Variants in PLCXD2 observed in about 807,000 individuals in gnomAD.
PLCXD2 encodes PI-PLC X domain-containing protein 2.
In PLCXD2, 21 loss-of-function variants were observed where a neutral mutation model predicts 28.6. The ratio of observed to expected loss-of-function variants is 0.73; its 90% CI spans 0.52 to 1.06. The LOEUF is 1.06. Among genes scored for constraint, PLCXD2 ranks in the 50% least tolerant of loss-of-function variants. PLCXD2 has a pLI of 0.00. For missense variants in PLCXD2, 369 were observed against 376.7 expected (o/e 0.98, Z 0.17); for synonymous variants, 140 against 150.1 (o/e 0.93, Z 0.49).
chr3:111,710,322 T>C (rs183964001), intron 2 of PLCXD2, among the ~76,000 whole-genome samples: 1 of 152,356 alleles, frequency 6.6e-6, no homozygotes, highest in East Asian at 1.9e-4. Context: ...AGAGACTTTT[T>C]CCCAGTGGCA....
intron 1 of PLCXD2, among the ~76,000 whole-genome samples, chr3:111,706,677 C>T (rs568249700): frequency 2.1e-4 from 32 of 151,142 alleles, no homozygotes; most frequent in Admixed American, 3.3e-4. Context: ...CTATATACTG[C>T]CCACAGAAAA....
At chr3:111,688,539 G>A (rs1273362805) in intron 1 of PLCXD2, among the ~76,000 whole-genome samples, 2 of 152,200 alleles carry the variant, frequency 1.3e-5, no homozygotes, top group Admixed American at 6.5e-5. Context: ...CTTCCACATG[G>A]CTGACCTAAG....
At chr3:111,678,982 G>T (rs1277439881) in intron 1 of PLCXD2, among the ~76,000 whole-genome samples, 1 of 152,070 alleles carries the variant, frequency 6.6e-6, no homozygotes, top group Non-Finnish European at 1.5e-5. Flanking sequence ...TGATGCAAAT[G>T]AACTTTTACC....
At chr3:111,695,436 A>G (rs1197216124) in intron 1 of PLCXD2, among the ~76,000 whole-genome samples, 1 of 152,218 alleles carries the variant, frequency 6.6e-6, no homozygotes, top group African/African-American at 2.4e-5. Flanking sequence ...ATAACTAGTA[A>G]TACAATAGAA....
intron 3 of PLCXD2, among the ~76,000 whole-genome samples, chr3:111,716,238 G>A (rs1362504986): frequency 6.6e-6 from 1 of 152,252 alleles, no homozygotes; most frequent in South Asian, 2.1e-4. Flanking sequence ...AGTGCAGAGT[G>A]TGGCTGTCAT....
At position 111,675,298 on chromosome 3, in the gene PLCXD2, C is replaced by T. The variant is rs1209553691; in HGVS notation, c.53C>T (p.Ser18Phe). ...AAACTCAGGATGGGGACCATCTGCT[C>T]CCCCAACCCCAGCGGGACAAAGACA... Residue 18 changes from serine (S) to phenylalanine (F), a missense_variant, in exon 1 of 5, where the codon TCC (serine) becomes TTC (phenylalanine). Physicochemically the swap from Ser to Phe is radical, Grantham distance 155. Coordinates refer to ENST00000477665, the MANE Select transcript of PLCXD2 (RefSeq NM_001185106.1). 2 of 1,614,100 alleles carry T rather than the reference C, an allele frequency of 1.2e-6. No homozygotes were observed. The highest frequency in any genetic ancestry group is 1.7e-6 in the Non-Finnish European group (2 of 1,180,000).
chr3:111,678,912 A>G (rs1175251856), intron 1 of PLCXD2, among the ~76,000 whole-genome samples: 1 of 152,180 alleles, frequency 6.6e-6, no homozygotes, highest in Non-Finnish European at 1.5e-5. Context: ...AGGTTTCACA[A>G]TTGCCAGAAT....
intron 1 of PLCXD2, among the ~76,000 whole-genome samples, chr3:111,700,563 A>G (rs1312041377): frequency 6.6e-6 from 1 of 152,196 alleles, no homozygotes; most frequent in Non-Finnish European, 1.5e-5. Context: ...ATTACTTCCT[A>G]AGATCATATT....
intron 1 of PLCXD2, among the ~76,000 whole-genome samples, chr3:111,692,233 C>CG (rs1356184842): frequency 6.6e-6 from 1 of 152,068 alleles, no homozygotes; most frequent in African/African-American, 2.4e-5. Flanking sequence ...TTTGTAGAGA[C>CG]GGGGTTTCAC....
intron 1 of PLCXD2, among the ~76,000 whole-genome samples, chr3:111,683,779 C>T (rs1940752166): frequency 6.6e-6 from 1 of 152,044 alleles, no homozygotes; most frequent in Non-Finnish European, 1.5e-5. Context: ...AAGCATATAG[C>T]AAGGGCATCT....
intron 1 of PLCXD2, among the ~76,000 whole-genome samples, chr3:111,684,614 A>G (rs913848103): frequency 2.6e-5 from 4 of 151,934 alleles, no homozygotes; most frequent in Non-Finnish European, 2.9e-5. Context: ...AGATCATGCC[A>G]TTGCACTCCA....
intron 1 of PLCXD2, among the ~76,000 whole-genome samples, chr3:111,679,699 A>G (rs1158941543): frequency 6.6e-6 from 1 of 152,240 alleles, no homozygotes; most frequent in East Asian, 1.9e-4. Flanking sequence ...ATTGCGCATA[A>G]TATTCCTGAA....
chr3:111,711,327 C>G (rs1359238712), intron 2 of PLCXD2, among the ~76,000 whole-genome samples: 1 of 152,156 alleles, frequency 6.6e-6, no homozygotes, highest in Non-Finnish European at 1.5e-5. Context: ...TCGCTTGAAC[C>G]CAGGAGGCAG....
chr3:111,675,290 C>A lies in PLCXD2; in HGVS notation c.45C>A (p.Thr15=), dbSNP rs1326199898. ...CCAGGAGGAAACTCAGGATGGGGAC[C>A]ATCTGCTCCCCCAACCCCAGCGGGA... Residue 15 remains threonine, a synonymous_variant, in exon 1 of 5, where the codon ACC becomes ACA. Transcript: ENST00000477665. 1 of 1,614,110 alleles carries A rather than the reference C, an allele frequency of 6.2e-7. No individual in the cohort carries two copies. Among genetic ancestry groups the A allele is most frequent in the Admixed American group, 1.7e-5 (1 of 60,012 alleles).
chr3:111,692,424 G>A (rs1940902080), intron 1 of PLCXD2: 1 of 152,214 alleles, frequency 6.6e-6, no homozygotes, highest in African/African-American at 2.4e-5. Flanking sequence ...AAAGAGATAT[G>A]TACTGAATAT....
At chr3:111,701,148 T>C (rs1270679541) in intron 1 of PLCXD2, among the ~76,000 whole-genome samples, 3 of 152,244 alleles carry the variant, frequency 2.0e-5, no homozygotes, top group African/African-American at 7.2e-5. Flanking sequence ...GATTTCTGAC[T>C]AATTAAAAAT....
intron 1 of PLCXD2, among the ~76,000 whole-genome samples, chr3:111,697,292 C>A (rs907541919): frequency 6.6e-6 from 1 of 152,132 alleles, no homozygotes; most frequent in Non-Finnish European, 1.5e-5. Flanking sequence ...TGTGCATTAG[C>A]GCTCTCAACT....
At chr3:111,726,130 C>A (rs1398753) in intron 3 of PLCXD2, 103,743 of 358,810 alleles carry the variant, frequency 0.29, 15,453 homozygotes, top group East Asian at 0.34. Flanking sequence ...TTAAGCCCAA[C>A]AAGAAGCACA....
At chr3:111,710,963 A>C (rs1941191859) in intron 2 of PLCXD2, among the ~76,000 whole-genome samples, 1 of 152,360 alleles carries the variant, frequency 6.6e-6, no homozygotes. Context: ...GGGCTAATTT[A>C]ACTGTATTAT....
Sources: gnomAD v4.1 joint callset for allele counts (sites outside exome capture counted in the v4.1 genomes callset) on GRCh38, gnomAD v4.1.1 for gene constraint, MANE v1.5 for transcripts, NCBI Gene and HGNC (gene_info 2026-07-23, HGNC 2026-07-21) for gene names.